TENM2: variants seen among roughly 807,000 people sequenced by gnomAD.
TENM2 encodes the protein teneurin-2.
TENM2 carries 52 observed loss-of-function variants against 245.2 expected under a neutral mutation model. That is an observed-to-expected ratio of 0.21 (90% CI 0.17 to 0.27). The LOEUF (loss-of-function observed/expected upper bound fraction) is 0.27, where lower values mean the gene tolerates loss of function less well. Ranked by LOEUF, TENM2 falls within the 10% of genes least tolerant of loss-of-function variation. The pLI is 1.00. For synonymous variants in TENM2, 1,363 were observed against 1,438.9 expected (o/e 0.95, Z 1.19); for missense variants, 3,046 against 3,666.8 (o/e 0.83, Z 4.37).
intron 1 of TENM2, among the ~76,000 whole-genome samples, chr5:167,358,360 A>T (rs1759478596): frequency 6.6e-6 from 1 of 152,116 alleles, no homozygotes; most frequent in Non-Finnish European, 1.5e-5. Flanking sequence ...CATCAGCAAC[A>T]TTTGCAACAG....
Position 168,062,044 on chromosome 5 carries a change from C to CTT in TENM2, c.1310-5_1310-4dup, listed in dbSNP as rs11411759. The stretch of plus-strand genomic sequence containing the variant: ...ACACGTCATTGACTGCTGTTTATTC[C>CTT]TTTTTTTTTTTTCAGTGCCCTGGTC... On this transcript the variant is annotated splice_polypyrimidine_tract_variant and intron_variant, in intron 6 of 28. Transcript: ENST00000518659. 153,481 of 1,449,440 alleles carry CTT rather than the reference C, an allele frequency of 0.11. 1,096 individuals are homozygous for CTT. The highest frequency in any genetic ancestry group is 0.14 in the Middle Eastern group (582 of 4,150). The allele number at this position is 1,449,440 out of a possible 1,614,324, so 89.8% of individuals were successfully genotyped here. A position where few individuals can be genotyped will look rare whatever the true frequency, so the allele number is the denominator to read the frequency against.
Position 167,418,330 on chromosome 5 carries a change from T to A in TENM2, c.502+42857T>A, listed in dbSNP as rs1001808602. Among the ~76,000 whole-genome samples, 10 of 147,300 alleles carry A rather than the reference T, an allele frequency of 6.8e-5. No individual in the cohort carries two copies. The South Asian group carries it at 2.0e-3, about 29-fold the overall frequency. The stretch of plus-strand genomic sequence containing the variant: ...AACTGTCTCAAAAAAAAAAAAAAAA[T>A]ATTGCTTTGGAGAAACGTATAGAAT... On this transcript the variant is annotated intron_variant, in intron 2 of 28. Coordinates refer to ENST00000518659, the Ensembl canonical transcript of TENM2.
intron 1 of TENM2, among the ~76,000 whole-genome samples, chr5:167,343,580 T>G (rs987094643): frequency 6.6e-6 from 1 of 152,222 alleles, no homozygotes; most frequent in Non-Finnish European, 1.5e-5. Context: ...TAAAAAGCCA[T>G]ACTTTGTTTT....
At chr5:167,159,757 C>T in the TENM2 span, among the ~76,000 whole-genome samples, 1 of 152,164 alleles carries the variant, frequency 6.6e-6, no homozygotes, top group Non-Finnish European at 1.5e-5. Flanking sequence ...CATTTCAGTT[C>T]TGTTTGGATA....
At chr5:167,743,609 G>A (rs764808121) in intron 2 of TENM2, among the ~76,000 whole-genome samples, 11 of 151,960 alleles carry the variant, frequency 7.2e-5, no homozygotes, top group Non-Finnish European at 1.2e-4. Flanking sequence ...AGCCTCATCA[G>A]GAAAAGAGAA....
At chr5:167,554,983 C>T (rs1341542803) in intron 2 of TENM2, among the ~76,000 whole-genome samples, 1 of 151,710 alleles carries the variant, frequency 6.6e-6, no homozygotes, top group Non-Finnish European at 1.5e-5. Flanking sequence ...TTTCAATAGT[C>T]AGGATTAAAA....
the TENM2 span, among the ~76,000 whole-genome samples, chr5:167,072,669 C>T: frequency 5.3e-5 from 8 of 152,168 alleles, no homozygotes. Context: ...GATGATTAAA[C>T]TTATTTGCTC....
intron 12 of TENM2, among the ~76,000 whole-genome samples, chr5:168,148,147 C>G (rs1756278015): frequency 6.6e-6 from 1 of 152,162 alleles, no homozygotes; most frequent in Non-Finnish European, 1.5e-5. Context: ...AGTACCAGCT[C>G]CCATTCACTG....
chr5:167,662,450 G>A (rs1279961683), intron 2 of TENM2, among the ~76,000 whole-genome samples: 3 of 152,144 alleles, frequency 2.0e-5, no homozygotes, highest in African/African-American at 7.2e-5. Context: ...GGATCGTGGG[G>A]ATTCTTTAAG....
At chr5:167,700,833 G>T (rs767947536) in intron 2 of TENM2, among the ~76,000 whole-genome samples, 19 of 150,734 alleles carry the variant, frequency 1.3e-4, no homozygotes, top group Middle Eastern at 3.4e-3. Context: ...AATGTGTATC[G>T]ATTCTATGTT....
intron 25 of TENM2, chr5:168,230,812 A>G (rs1764814915): frequency 6.6e-6 from 1 of 152,264 alleles, no homozygotes. Context: ...TAACGGTCTC[A>G]TGGAGAAGAC....
At chr5:167,457,053 T>G (rs1765966826) in intron 2 of TENM2, among the ~76,000 whole-genome samples, 2 of 152,088 alleles carry the variant, frequency 1.3e-5, no homozygotes. Flanking sequence ...TAGACAAAAA[T>G]GTAAAAATTA....
chr5:167,599,168 C>T (rs138710564), intron 2 of TENM2, among the ~76,000 whole-genome samples: 15 of 152,188 alleles, frequency 9.9e-5, no homozygotes, highest in Admixed American at 3.3e-4. Flanking sequence ...GAATTTATAG[C>T]GGAAAATGAT....
chr5:167,936,216 T>C (rs1181460842), intron 3 of TENM2, among the ~76,000 whole-genome samples: 1 of 152,220 alleles, frequency 6.6e-6, no homozygotes, highest in Non-Finnish European at 1.5e-5. Flanking sequence ...TGTTAATGTC[T>C]CAACAAGGTT....
At chr5:167,551,628 G>T (rs940675726) in intron 2 of TENM2, among the ~76,000 whole-genome samples, 3 of 151,380 alleles carry the variant, frequency 2.0e-5, no homozygotes, top group African/African-American at 4.9e-5. Flanking sequence ...ACACATACAC[G>T]CACACACACA....
At chr5:167,468,294 C>CT (rs1424247727) in intron 2 of TENM2, among the ~76,000 whole-genome samples, 1 of 152,268 alleles carries the variant, frequency 6.6e-6, no homozygotes, top group East Asian at 1.9e-4. Flanking sequence ...ACAAACAGAA[C>CT]TTCTAGGAAT....
At chr5:167,385,854 ATATGTGTGTGTGTGTGTG>A (rs1298161268) in intron 2 of TENM2, among the ~76,000 whole-genome samples, 1 of 130,100 alleles carries the variant, frequency 7.7e-6, no homozygotes, top group Non-Finnish European at 1.6e-5. Context: ...CATTATATAT[ATATGTGTGTGTGTGTGTG>A]TGTGTGTGTG....
At chr5:167,088,991 GC>G in the TENM2 span, among the ~76,000 whole-genome samples, 1 of 152,206 alleles carries the variant, frequency 6.6e-6, no homozygotes, top group Non-Finnish European at 1.5e-5. Context: ...TTATTTAGAC[GC>G]AGTTTCGTTT....
At chr5:167,901,150 T>C (rs1775672440) in intron 3 of TENM2, among the ~76,000 whole-genome samples, 1 of 152,116 alleles carries the variant, frequency 6.6e-6, no homozygotes, top group East Asian at 1.9e-4. Context: ...ATGATCACTG[T>C]TACCCTTTTG....
Sources: gnomAD v4.1 joint callset for allele counts (sites outside exome capture counted in the v4.1 genomes callset) on GRCh38, gnomAD v4.1.1 for gene constraint, MANE v1.5 for transcripts, NCBI Gene and HGNC (gene_info 2026-07-23, HGNC 2026-07-21) for gene names.